Variants in PPP1R13B observed in about 807,000 individuals in gnomAD.
The protein encoded by PPP1R13B is protein phosphatase 1 regulatory subunit 13B.
Under a neutral mutation model 119.8 loss-of-function variants are expected in PPP1R13B, and 44 were observed. The observed-to-expected ratio is 0.37, with a 90% confidence interval of 0.29 to 0.47. The LOEUF is 0.47. Among genes scored for constraint, PPP1R13B ranks in the 20% least tolerant of loss-of-function variants. The pLI is 0.99. For missense variants in PPP1R13B, 1,227 were observed against 1,413.5 expected, an observed-to-expected ratio of 0.87 and a Z score of 2.12; for synonymous variants, 542 against 561.5, an observed-to-expected ratio of 0.97 and a Z score of 0.49.
At chr14:103,800,532 T>C (rs2085873315) in intron 1 of PPP1R13B, among the ~76,000 whole-genome samples, 1 of 151,142 alleles carries the variant, frequency 6.6e-6, no homozygotes, top group Non-Finnish European at 1.5e-5. Context: ...CCCGCGCCTC[T>C]AGTCCCAGCT....
Position 103,740,629 on chromosome 14 carries a change from C to A in PPP1R13B, c.1823-36G>T. 6.8e-7 allele frequency: 1 copy of A among 1,473,612 alleles called. No individual in the cohort carries two copies. Among genetic ancestry groups the A allele is most frequent in the Non-Finnish European group, 9.0e-7 (1 of 1,112,970 alleles). 91.3% of individuals were successfully genotyped at this position (1,473,612 alleles called of 1,614,324 possible). On this transcript the variant is annotated intron_variant, in intron 11 of 16. Coordinates refer to ENST00000202556, the MANE Select transcript of PPP1R13B (RefSeq NM_015316.3). The surrounding 1 kb of genome is among the most constrained non-coding windows in gnomAD (Gnocchi z 4.6). ...CACAAAGGACAGGCAATTTTGACCT[C>A]ACTACAGAGATCTAGTCATACACAC...
chr14:103,735,898 C>T, intron 16 of PPP1R13B, 105 bp downstream of exon 16: 1 of 1,281,844 alleles, frequency 7.8e-7, no homozygotes, highest in Non-Finnish European at 1.1e-6. Context: ...GCTGCTGAGG[C>T]TCAGAGAAGC....
At chr14:103,836,132 G>T (rs1003890522) in intron 1 of PPP1R13B, among the ~76,000 whole-genome samples, 4 of 149,302 alleles carry the variant, frequency 2.7e-5, no homozygotes, top group Non-Finnish European at 5.9e-5. Context: ...TGCAATTTCC[G>T]CCTCCCAGGC....
intron 2 of PPP1R13B, among the ~76,000 whole-genome samples, chr14:103,790,192 G>A (rs2085581117): frequency 6.7e-6 from 1 of 149,636 alleles, no homozygotes. Context: ...GTTGCAGTGA[G>A]CCAAGATGGC....
chr14:103,777,310 C>A (rs1189275524), intron 4 of PPP1R13B, among the ~76,000 whole-genome samples: 3 of 152,206 alleles, frequency 2.0e-5, no homozygotes, highest in Admixed American at 1.3e-4. Flanking sequence ...ACATTTCTTA[C>A]AAAGAGCTCC....
At chr14:103,751,822 T>G (rs1346791883) in intron 7 of PPP1R13B, among the ~76,000 whole-genome samples, 8 of 152,234 alleles carry the variant, frequency 5.3e-5, no homozygotes, top group Admixed American at 5.2e-4. Flanking sequence ...GTCTATAGTT[T>G]AAGCCATCCA....
intron 1 of PPP1R13B, among the ~76,000 whole-genome samples, chr14:103,843,238 G>A (rs2086949799): frequency 2.0e-5 from 3 of 152,052 alleles, no homozygotes; most frequent in Admixed American, 2.0e-4. Flanking sequence ...GCCAGGCATG[G>A]TGGTGTGCAC....
chr14:103,757,779 A>T, intron 4 of PPP1R13B, 28 bp from the exon 5 acceptor site: 1 of 1,585,526 alleles, frequency 6.3e-7, no homozygotes, highest in African/African-American at 1.3e-5. Flanking sequence ...ATTTTGGAAC[A>T]TAAGTTTATC....
At chr14:103,787,374 G>C (rs2085493484) in intron 2 of PPP1R13B, among the ~76,000 whole-genome samples, 1 of 151,948 alleles carries the variant, frequency 6.6e-6, no homozygotes, top group Admixed American at 6.6e-5. Context: ...CTTGAACCTG[G>C]GAGGTGGAGG....
chr14:103,786,541 G>A (rs1040849225), intron 2 of PPP1R13B, among the ~76,000 whole-genome samples: 6 of 151,964 alleles, frequency 3.9e-5, no homozygotes, highest in African/African-American at 1.5e-4. Flanking sequence ...AAGGTGGGCA[G>A]ATCACCCGAG....
At chr14:103,795,708 C>T (rs982670287) in intron 2 of PPP1R13B, among the ~76,000 whole-genome samples, 1 of 152,182 alleles carries the variant, frequency 6.6e-6, no homozygotes, top group Non-Finnish European at 1.5e-5. Flanking sequence ...TCTAACACTG[C>T]TCCCCTTAAA....
intron 4 of PPP1R13B, among the ~76,000 whole-genome samples, chr14:103,774,362 T>C (rs911987016): frequency 6.6e-6 from 1 of 152,216 alleles, no homozygotes; most frequent in Non-Finnish European, 1.5e-5. Context: ...GATCTGGCTC[T>C]GAATCCTTTC....
chr14:103,818,464 T>C, intron 1 of PPP1R13B: 3 of 973,234 alleles, frequency 3.1e-6, no homozygotes, highest in Non-Finnish European at 3.7e-6. Flanking sequence ...TTTCTCAATG[T>C]TAATATTGTC....
At chr14:103,783,849 G>A (rs911255740) in intron 3 of PPP1R13B, among the ~76,000 whole-genome samples, 8 of 152,080 alleles carry the variant, frequency 5.3e-5, no homozygotes, top group African/African-American at 1.7e-4. Flanking sequence ...CTGCACCCAG[G>A]CTTTGTTTTA....
At chr14:103,763,644 TTAAC>T (rs1169532906) in intron 4 of PPP1R13B, among the ~76,000 whole-genome samples, 3 of 152,182 alleles carry the variant, frequency 2.0e-5, no homozygotes, top group Admixed American at 6.5e-5. Context: ...TTTTTTAGAG[TTAAC>T]TGAGGCATAA....
chr14:103,806,512 AG>A (rs1406352872), intron 1 of PPP1R13B, among the ~76,000 whole-genome samples: 1 of 152,216 alleles, frequency 6.6e-6, no homozygotes, highest in Non-Finnish European at 1.5e-5. Context: ...GGTGAACACC[AG>A]GAAGACCCCT....
chr14:103,794,806 A>G (rs1295137130), intron 2 of PPP1R13B: 3 of 286,138 alleles, frequency 1.0e-5, no homozygotes, highest in African/African-American at 6.7e-5. Context: ...TGGCCATTTT[A>G]CTTACTAATC....
chr14:103,805,936 TTAGATTGTGGTGATGGCTGTACAAC>T (rs2086007060), intron 1 of PPP1R13B, among the ~76,000 whole-genome samples: 1 of 152,204 alleles, frequency 6.6e-6, no homozygotes. Flanking sequence ...TGTTCTAAAA[TTAGATTGTGGTGATGGCTGTACAAC>T]TATGTAAATT....
upstream of PPP1R13B, chr14:103,848,353 T>TG (rs1212823305): frequency 3.0e-6 from 3 of 985,310 alleles, no homozygotes; most frequent in Non-Finnish European, 3.6e-6. Flanking sequence ...GGTCTCTCCC[T>TG]GCAGTCCCGT....
Sources: allele counts gnomAD v4.1 joint callset (sites outside exome capture counted in the v4.1 genomes callset), GRCh38; gene constraint gnomAD v4.1.1; non-coding constraint Gnocchi (gnomAD v3.1); transcripts MANE v1.5; gene names NCBI Gene and HGNC (gene_info 2026-07-23, HGNC 2026-07-21).